The following GON4L variants were observed in gnomAD, a reference collection of about 807,000 sequenced individuals.
GON4L encodes GON-4-like protein.
Under a neutral mutation model 211.8 loss-of-function variants are expected in GON4L, and 87 were observed. The observed-to-expected ratio is 0.41, with a 90% CI of 0.35 to 0.49. The LOEUF (loss-of-function observed/expected upper bound fraction) is 0.49. Among genes scored for constraint, GON4L ranks in the 20% least tolerant of loss-of-function variants. The pLI, the probability that GON4L is intolerant of heterozygous loss-of-function variation, is 0.15. For missense variants in GON4L, 2,155 were observed against 2,659.5 expected, an observed-to-expected ratio of 0.81 and a Z score of 4.17; for synonymous variants, 875 against 962.6, an observed-to-expected ratio of 0.91 and a Z score of 1.68.
At chr1:155,828,318 G>A (rs550396058) in intron 2 of GON4L, among the ~76,000 whole-genome samples, 10 of 151,784 alleles carry the variant, frequency 6.6e-5, no homozygotes, top group East Asian at 1.9e-4. Context: ...ATGAAACCTC[G>A]GCTGTAAAAA....
rs571469876 is a variant in GON4L at position 155,783,849 on chromosome 1, C to G, written c.1892+137G>C. 3.3e-4 allele frequency: 497 copies of G among 1,526,630 alleles called. 5 individuals carry two copies. In the South Asian group the frequency reaches 5.7e-3, roughly 17 times the overall value. The allele number at this position is 1,526,630 out of a possible 1,614,324, so 94.6% of individuals were successfully genotyped here. ...AGGAGACTTCACTTGACACCTAACTCCTGACAGGGCTCTGCATCCTTACAT... is the reference window on the plus strand; with the variant it reads ...AGGAGACTTCACTTGACACCTAACTGCTGACAGGGCTCTGCATCCTTACAT... On this transcript the variant is annotated intron_variant, in intron 14 of 31. Coordinates refer to ENST00000368331, the MANE Select transcript of GON4L (RefSeq NM_001282860.2).
At position 155,754,488 on chromosome 1, in the gene GON4L, C is replaced by CCTAGGAGATACTTGGG; in HGVS notation, c.5518-16_5518-1dup (p.Glu1840ProfsTer8). On this transcript the variant is annotated frameshift_variant and splice_region_variant. Coordinates refer to ENST00000368331, the MANE Select transcript of GON4L (RefSeq NM_001282860.2). LOFTEE classifies it high-confidence loss of function. The stretch of plus-strand genomic sequence containing the variant: ...TTGGCCCCATCTGGCCATTCAGTCT[C>CCTAGGAGATACTTGGG]CTAGGAGATACTTGGGCTTGATTAG... 1.3e-6 allele frequency: 2 copies of CCTAGGAGATACTTGGG among 1,542,236 alleles called. No individual in the cohort carries two copies. Among genetic ancestry groups the CCTAGGAGATACTTGGG allele is most frequent in the Non-Finnish European group, 1.8e-6 (2 of 1,116,886 alleles).
chr1:155,838,076 T>G lies in GON4L; in HGVS notation c.506-11048A>C, dbSNP rs1489273410. ...GAGTTCAGGACCAGCCTGGGCAACA[T>G]AGTGAGACTCCATCTCTAAAACAAA... On this transcript the variant is annotated intron_variant, in intron 2 of 31. Transcript: ENST00000368331. Among the ~76,000 whole-genome samples, 3 of 149,926 alleles carry G rather than the reference T, an allele frequency of 2.0e-5. No individual in the cohort carries two copies. The Admixed American group carries it at 2.0e-4, about 10-fold the overall frequency.
At chr1:155,842,419 G>C (rs1670854469) in intron 2 of GON4L, among the ~76,000 whole-genome samples, 1 of 150,510 alleles carries the variant, frequency 6.6e-6, no homozygotes, top group African/African-American at 2.4e-5. Context: ...AGCTACTCAG[G>C]AGGCTGAGGC....
At chr1:155,801,085 C>T (rs1252804618) in intron 11 of GON4L, among the ~76,000 whole-genome samples, 1 of 130,170 alleles carries the variant, frequency 7.7e-6, no homozygotes, top group Non-Finnish European at 1.6e-5. Flanking sequence ...TGTTCTTTAA[C>T]TCTTCACAAT....
chr1:155,757,244 C>A lies in GON4L; in HGVS notation c.5333G>T (p.Arg1778Leu). 6.2e-7 allele frequency: 1 copy of A among 1,613,906 alleles called. No homozygotes were observed. The highest frequency in any genetic ancestry group is 8.5e-7 in the Non-Finnish European group (1 of 1,179,840). ...DEFSIFFDHLRPAASRMGDFE... is the reference protein window; with the variant it reads ...DEFSIFFDHLLPAASRMGDFE... ...GTCACCCATCCGGCTAGCTGCTGGG[C>A]GCAAGTGGTCAAAGAAGATAGAAAA... Residue 1778 changes from arginine to leucine, a missense_variant, in exon 26 of 32, where the codon CGC (arginine) becomes CTC (leucine). Transcript: ENST00000368331.
At chr1:155,801,521 T>C (rs943888181) in intron 11 of GON4L, among the ~76,000 whole-genome samples, 4 of 152,118 alleles carry the variant, frequency 2.6e-5, no homozygotes, top group African/African-American at 9.7e-5. Flanking sequence ...AAAAAAGAAA[T>C]ATGATAAGAT....
chr1:155,818,287 T>C (rs1299820589), intron 6 of GON4L, among the ~76,000 whole-genome samples: 1 of 152,078 alleles, frequency 6.6e-6, no homozygotes, highest in Non-Finnish European at 1.5e-5. Flanking sequence ...AACTGTTGTA[T>C]TTTTAGTAGA....
At chr1:155,852,635 C>T (rs1025242785) in intron 2 of GON4L, among the ~76,000 whole-genome samples, 13 of 152,042 alleles carry the variant, frequency 8.6e-5, no homozygotes, top group South Asian at 8.3e-4. Context: ...CCCAGCTACT[C>T]GGGAGGCTGA....
In GON4L at chr1:155,799,161, G is replaced by A. The variant is rs140307550; in HGVS notation, c.1646-4010C>T. ...TACAAAAATACTGAAGTTGCTGGGC[G>A]TGGTGGCTCACGCCTGTAATCCCAG... On this transcript the variant is annotated intron_variant, in intron 11 of 31. Transcript: ENST00000368331. Among the ~76,000 whole-genome samples the A allele has an allele frequency of 4.9e-3, 749 of 152,284 alleles. 4 individuals are homozygous for A. The highest frequency in any genetic ancestry group is 0.012 in the African/African-American group (483 of 41,572).
At chr1:155,798,101 TATATAA>T (rs1271179385) in intron 11 of GON4L, among the ~76,000 whole-genome samples, 4 of 146,652 alleles carry the variant, frequency 2.7e-5, no homozygotes, top group South Asian at 2.1e-4. Flanking sequence ...ATATATTTTT[TATATAA>T]ATATAAATAT....
rs746528899 is a variant in GON4L, at chr1:155,790,942, C to CA, written c.1747+4107dup. ...CTGGAGACAGAGCGAGACTCCTTCT[C>CA]AAAAAAAAACCAACAAACTATAGAA... On this transcript the variant is annotated intron_variant, in intron 12 of 31. Transcript: ENST00000368331. Among the ~76,000 whole-genome samples the CA allele has an allele frequency of 4.1e-3, 615 of 148,340 alleles. 1 individual carries two copies. Among genetic ancestry groups the CA allele is most frequent in the Non-Finnish European group, 7.7e-3 (516 of 67,166 alleles).
chr1:155,806,012 T>C (rs1050141160), intron 10 of GON4L, among the ~76,000 whole-genome samples: 2 of 140,944 alleles, frequency 1.4e-5, no homozygotes, highest in East Asian at 2.2e-4. Flanking sequence ...TTTTAAGAGA[T>C]AGAGTCTCAA....
At chr1:155,820,808 C>A in intron 5 of GON4L, 152 bp from the exon 6 acceptor site, 1 of 653,212 alleles carries the variant, frequency 1.5e-6, no homozygotes, top group Non-Finnish European at 2.7e-6. Context: ...GAGTGAGACA[C>A]CCTCCCTACA....
At chr1:155,782,915 T>G (rs1301206385) in intron 14 of GON4L, among the ~76,000 whole-genome samples, 3 of 152,074 alleles carry the variant, frequency 2.0e-5, no homozygotes, top group Admixed American at 6.6e-5. Flanking sequence ...TGCCTCCGCC[T>G]CCCAAAGTGC....
downstream of GON4L, chr1:155,747,045 T>C: frequency 6.2e-7 from 1 of 1,606,196 alleles, no homozygotes; most frequent in African/African-American, 1.4e-5. Flanking sequence ...CTATGCGGTG[T>C]GGCCAGCCAA....
At chr1:155,758,995 C>G (rs1557825976) in intron 24 of GON4L, among the ~76,000 whole-genome samples, 1 of 151,684 alleles carries the variant, frequency 6.6e-6, no homozygotes, top group Admixed American at 6.6e-5. Context: ...TGGCCATTGT[C>G]TCTCTCTTTT....
rs1278727280 is a variant in GON4L at position 155,826,842 on chromosome 1, G to A, written c.692C>T (p.Pro231Leu). 5 of 1,602,408 alleles carry A rather than the reference G, an allele frequency of 3.1e-6. No homozygotes were observed. Among genetic ancestry groups the A allele is most frequent in the Non-Finnish European group, 4.3e-6 (5 of 1,169,776 alleles). ...EEIEDGGLFIPMEEQDNEESE... is the reference protein window; with the variant it reads ...EEIEDGGLFILMEEQDNEESE... ...AAAAGAAAAAGAAAGCCTACCCATT[G>A]GAATGAAGAGTCCACCATCTTCTAT... is the stretch of plus-strand genomic sequence containing the variant. The change falls in exon 3 of 32, where the codon CCA (proline) becomes CTA (leucine). Residue 231 changes from proline to leucine, a missense_variant. Physicochemically the swap from Pro to Leu is moderately conservative, Grantham distance 98. This residue lies in a region of GON4L where 313 missense variants were observed against 293.2 expected (regional missense o/e 1.07). Transcript: ENST00000368331.
chr1:155,745,949 C>CG (rs1660242116), downstream of GON4L: 1 of 756,112 alleles, frequency 1.3e-6, no homozygotes, highest in Admixed American at 2.9e-5. Flanking sequence ...AGGAGCCCTT[C>CG]GGGATCTACA....
Sources: gnomAD v4.1 joint callset for allele counts (sites outside exome capture counted in the v4.1 genomes callset) on GRCh38, gnomAD v4.1.1 for gene constraint, gnomAD v4.1.1 regional missense constraint, MANE v1.5 for transcripts, NCBI Gene and HGNC (gene_info 2026-07-23, HGNC 2026-07-21) for gene names.